FRMD4B: variants seen among roughly 807,000 people sequenced by gnomAD.
The protein encoded by FRMD4B is FERM domain containing 4B.
In FRMD4B, 74 loss-of-function variants were observed where a neutral mutation model predicts 141.5. That is an observed-to-expected ratio of 0.52 (90% CI 0.43 to 0.63). The LOEUF (loss-of-function observed/expected upper bound fraction) is 0.63, where lower values mean the gene tolerates loss of function less well. Among genes scored for constraint, FRMD4B ranks in the 30% least tolerant of loss-of-function variants. FRMD4B has a pLI of 0.00. For synonymous variants in FRMD4B, 506 were observed against 467.9 expected (o/e 1.08, Z -1.05); for missense variants, 1,366 against 1,253.4 (o/e 1.09, Z -1.36).
At chr3:69,478,317 T>C (rs1185834710) in intron 1 of FRMD4B, among the ~76,000 whole-genome samples, 1 of 152,238 alleles carries the variant, frequency 6.6e-6, no homozygotes, top group African/African-American at 2.4e-5. Context: ...TTTTGGATCT[T>C]TCCTGCTTTC....
chr3:69,221,635 C>G (rs1184504337), intron 9 of FRMD4B, among the ~76,000 whole-genome samples: 1 of 152,178 alleles, frequency 6.6e-6, no homozygotes, highest in Admixed American at 6.5e-5. Context: ...TGCCCTACAT[C>G]TGGTCTACAT....
chr3:69,423,621 G>A (rs551822221), intron 2 of FRMD4B, among the ~76,000 whole-genome samples: 8 of 152,202 alleles, frequency 5.3e-5, no homozygotes, highest in East Asian at 1.9e-4. Flanking sequence ...TTAATCACCC[G>A]TGTCAGAATG....
rs1018851920 is a variant in FRMD4B at position 69,460,184 on chromosome 3, C to T, written c.-128-27423G>A. On this transcript the variant is annotated intron_variant, in intron 1 of 5. Coordinates refer to the FRMD4B transcript ENST00000459638. The stretch of plus-strand genomic sequence containing the variant: ...CATGGCTTTATACTCAGATGGTGCC[C>T]GTGATAAAGGGAAGGCGTTCTGGCA... Among the ~76,000 whole-genome samples, 4 of 152,100 alleles carry T rather than the reference C, an allele frequency of 2.6e-5. No homozygotes were observed. In the East Asian group the frequency reaches 5.8e-4, roughly 22 times the overall value.
intron 2 of FRMD4B, among the ~76,000 whole-genome samples, chr3:69,426,280 T>C (rs1400927864): frequency 6.6e-6 from 1 of 152,228 alleles, no homozygotes; most frequent in East Asian, 1.9e-4. Flanking sequence ...CTGTAATGAA[T>C]AGGTTTTCAT....
At chr3:69,222,667 A>T (rs1455501991) in intron 8 of FRMD4B, among the ~76,000 whole-genome samples, 3 of 152,142 alleles carry the variant, frequency 2.0e-5, no homozygotes, top group Non-Finnish European at 4.4e-5. Flanking sequence ...GCTACTTAGG[A>T]GGCTGAGGCA....
intron 5 of FRMD4B, among the ~76,000 whole-genome samples, chr3:69,262,120 C>G (rs993497340): frequency 2.6e-5 from 4 of 151,964 alleles, no homozygotes; most frequent in Admixed American, 6.6e-5. Flanking sequence ...GCTCCCGCCA[C>G]CATGCCCAGC....
chr3:69,290,483 C>A (rs1400694319), intron 4 of FRMD4B, among the ~76,000 whole-genome samples: 1 of 152,106 alleles, frequency 6.6e-6, no homozygotes, highest in Admixed American at 6.5e-5. Flanking sequence ...CTGAGATGAC[C>A]CATGTTATAC....
intron 1 of FRMD4B, chr3:69,541,015 C>T (rs1481506328): frequency 6.6e-6 from 1 of 152,190 alleles, no homozygotes; most frequent in Non-Finnish European, 1.5e-5. Flanking sequence ...GGCGAAGCTG[C>T]TTTTCTTCCC....
intron 1 of FRMD4B, among the ~76,000 whole-genome samples, chr3:69,496,637 A>AG (rs1706399949): frequency 3.7e-4 from 21 of 56,520 alleles, no homozygotes; most frequent in South Asian, 1.6e-3. Context: ...GAGAGAGAGA[A>AG]AGAGAGAGAG....
At chr3:69,404,458 GTTGAT>G (rs1001103982) in intron 2 of FRMD4B, among the ~76,000 whole-genome samples, 1 of 152,044 alleles carries the variant, frequency 6.6e-6, no homozygotes, top group Non-Finnish European at 1.5e-5. Context: ...GCTACTTTTT[GTTGAT>G]TTGTTTTCAT....
At position 69,465,301 on chromosome 3, in the gene FRMD4B, CAG is replaced by C. The variant is rs558037899; in HGVS notation, c.-128-32542_-128-32541del. 5.8e-4 allele frequency among the ~76,000 whole-genome samples: 81 copies of C among 140,424 alleles called. 1 individual carries two copies. In the East Asian group the frequency reaches 0.014, roughly 24 times the overall value. The allele number at this position is 140,424 out of a possible 152,430, so 92.1% of individuals were successfully genotyped here. A position where few individuals can be genotyped will look rare whatever the true frequency, so the allele number is the denominator to read the frequency against. ...CACCACTGCGCTCCAGCCTGGGTAA[CAG>C]AGCGAGGCTCCGTCTCAAAAAAAAA... On this transcript the variant is annotated intron_variant, in intron 1 of 5. Transcript: ENST00000459638.
Position 69,285,444 on chromosome 3 carries a change from C to T in FRMD4B, c.501+2308G>A, listed in dbSNP as rs545219609. Among the ~76,000 whole-genome samples, 296 of 150,926 alleles carry T rather than the reference C, an allele frequency of 2.0e-3. 1 individual carries two copies. The highest frequency in any genetic ancestry group is 6.9e-3 in the African/African-American group (283 of 41,200). ...GAAGAAATAACGGCTAAAATGTTTC[C>T]GAATTTGATGACAACTATAAGCCAA... On this transcript the variant is annotated intron_variant, in intron 5 of 22. Transcript: ENST00000398540.
intron 1 of FRMD4B, among the ~76,000 whole-genome samples, chr3:69,494,572 T>G (rs1025966680): frequency 6.6e-6 from 1 of 151,978 alleles, no homozygotes; most frequent in Non-Finnish European, 1.5e-5. Flanking sequence ...GGGGTGGTAG[T>G]CAAAGTCACA....
In FRMD4B at chr3:69,357,329, T is replaced by C. The variant is rs551239383; in HGVS notation, c.162+28499A>G. Among the ~76,000 whole-genome samples the C allele has an allele frequency of 1.6e-4, 25 of 152,342 alleles. 1 individual carries two copies. The South Asian group carries it at 5.2e-3, about 32-fold the overall frequency. On this transcript the variant is annotated intron_variant, in intron 1 of 22. Coordinates refer to ENST00000398540, the MANE Select transcript of FRMD4B (RefSeq NM_015123.3). The stretch of plus-strand genomic sequence containing the variant: ...AAATGCCTTCTGCCGTGCAGCCAGA[T>C]ACAAGGCAGGGCTTAACCTGGGATT...
At chr3:69,276,931 C>G (rs2093620609) in intron 5 of FRMD4B, among the ~76,000 whole-genome samples, 1 of 152,184 alleles carries the variant, frequency 6.6e-6, no homozygotes, top group Non-Finnish European at 1.5e-5. Context: ...TGCCACTGCA[C>G]TCCAGCCTGG....
At chr3:69,368,514 C>T (rs60969945) in intron 1 of FRMD4B, among the ~76,000 whole-genome samples, 7 of 152,106 alleles carry the variant, frequency 4.6e-5, no homozygotes, top group Admixed American at 1.3e-4. Context: ...GTGCCTACCC[C>T]CCTTGTCGTT....
At chr3:69,212,096 C>T (rs144679585) in intron 11 of FRMD4B, among the ~76,000 whole-genome samples, 10 of 150,986 alleles carry the variant, frequency 6.6e-5, no homozygotes, top group African/African-American at 2.2e-4. Context: ...TGGTGGCTCA[C>T]GCCTGTATTC....
intron 1 of FRMD4B, among the ~76,000 whole-genome samples, chr3:69,442,305 C>T (rs746413932): frequency 1.1e-4 from 17 of 152,120 alleles, no homozygotes; most frequent in Non-Finnish European, 2.4e-4. Flanking sequence ...TGGTCTCAAA[C>T]TCCTGGCCTC....
chr3:69,385,965 C>T lies in FRMD4B; in HGVS notation c.25G>A (p.Val9Met). ...CTGCCGCTGAACAGCAGGTCCTCCA[C>T]GCCACACATGAACACCGAAGCCATG... is the stretch of plus-strand genomic sequence containing the variant. MASVFMCG[V>M]EDLLFSGSRF... Residue 9 changes from valine to methionine, a missense_variant, in exon 1 of 23, where the codon GTG (valine) becomes ATG (methionine). By Grantham distance (21) the Val-to-Met change is conservative (BLOSUM62 1). Coordinates refer to ENST00000398540, the MANE Select transcript of FRMD4B (RefSeq NM_015123.3). The T allele has an allele frequency of 1.2e-6, 2 of 1,604,312 alleles. No homozygotes were observed. The highest frequency in any genetic ancestry group is 2.3e-5 in the East Asian group (1 of 44,302).
Sources: allele counts gnomAD v4.1 joint callset (sites outside exome capture counted in the v4.1 genomes callset), GRCh38; gene constraint gnomAD v4.1.1; transcripts MANE v1.5; gene names NCBI Gene and HGNC (gene_info 2026-07-23, HGNC 2026-07-21).